EDN1: variants seen among roughly 807,000 people sequenced by gnomAD.
EDN1 encodes the protein endothelin 1.
EDN1 carries 11 observed loss-of-function variants against 21.7 expected under a neutral mutation model. That is an observed-to-expected ratio of 0.51 (90% CI 0.32 to 0.84). EDN1 has a LOEUF of 0.84. Among genes scored for constraint, EDN1 ranks in the 40% least tolerant of loss-of-function variants. The pLI is 0.03. For synonymous variants in EDN1, 85 were observed against 90.6 expected (o/e 0.94, Z 0.35); for missense variants, 244 against 262.3 (o/e 0.93, Z 0.48).
At chr6:12,261,486 C>T in the EDN1 span, among the ~76,000 whole-genome samples, 1 of 152,126 alleles carries the variant, frequency 6.6e-6, no homozygotes, top group African/African-American at 2.4e-5. Context: ...GATGGTTGTG[C>T]TGCTCCCAAG....
chr6:12,258,153 T>G, the EDN1 span, among the ~76,000 whole-genome samples: 5 of 151,982 alleles, frequency 3.3e-5, no homozygotes, highest in Non-Finnish European at 7.4e-5. Flanking sequence ...TCAGACCTTA[T>G]TCTTTTATTT....
At chr6:12,238,131 C>T in the EDN1 span, among the ~76,000 whole-genome samples, 4 of 146,256 alleles carry the variant, frequency 2.7e-5, no homozygotes, top group African/African-American at 7.8e-5. Flanking sequence ...GAGATGGCGC[C>T]ACTGCACTCC....
the EDN1 span, among the ~76,000 whole-genome samples, chr6:12,234,869 C>T: frequency 1.3e-5 from 2 of 152,206 alleles, no homozygotes; most frequent in South Asian, 2.1e-4. Context: ...ATGGGCCAGA[C>T]AGCAAGTGAC....
chr6:12,254,034 A>G, the EDN1 span, among the ~76,000 whole-genome samples: 8 of 151,912 alleles, frequency 5.3e-5, no homozygotes, highest in African/African-American at 1.9e-4. Flanking sequence ...TTTTCATCAA[A>G]TCTACTATCC....
At chr6:12,273,200 A>C in the EDN1 span, among the ~76,000 whole-genome samples, 1 of 152,232 alleles carries the variant, frequency 6.6e-6, no homozygotes, top group African/African-American at 2.4e-5. Context: ...CATCCAATCC[A>C]AGTCCTGATA....
At chr6:12,232,288 A>G in the EDN1 span, among the ~76,000 whole-genome samples, 2 of 150,156 alleles carry the variant, frequency 1.3e-5, no homozygotes, top group Non-Finnish European at 3.0e-5. Context: ...TAACACGATC[A>G]TAGTCTCTAC....
At chr6:12,232,870 A>G in the EDN1 span, among the ~76,000 whole-genome samples, 2 of 152,212 alleles carry the variant, frequency 1.3e-5, no homozygotes, top group African/African-American at 4.8e-5. Flanking sequence ...ATGTTCTTGA[A>G]AAGACGACTG....
chr6:12,231,308 G>A, the EDN1 span, among the ~76,000 whole-genome samples: 1 of 152,122 alleles, frequency 6.6e-6, no homozygotes, highest in African/African-American at 2.4e-5. Context: ...CACCAACACT[G>A]CAATTCAACG....
At chr6:12,261,889 G>A in the EDN1 span, among the ~76,000 whole-genome samples, 1 of 152,204 alleles carries the variant, frequency 6.6e-6, no homozygotes, top group Non-Finnish European at 1.5e-5. Context: ...CAATGGAATG[G>A]AGACTTATAG....
the EDN1 span, among the ~76,000 whole-genome samples, chr6:12,282,346 T>A: frequency 6.6e-6 from 1 of 152,224 alleles, no homozygotes; most frequent in East Asian, 1.9e-4. Context: ...AAATGCTTTA[T>A]CTAGAAAATG....
the EDN1 span, among the ~76,000 whole-genome samples, chr6:12,233,143 C>T: frequency 6.6e-6 from 1 of 152,210 alleles, no homozygotes; most frequent in African/African-American, 2.4e-5. Context: ...CAGTTGCCTT[C>T]ATCCAAAGTT....
chr6:12,266,833 C>A, the EDN1 span, among the ~76,000 whole-genome samples: 2 of 151,972 alleles, frequency 1.3e-5, no homozygotes, highest in African/African-American at 4.8e-5. Context: ...TTCTGAAATG[C>A]GGTCTTTTCT....
chr6:12,249,639 G>T, the EDN1 span, among the ~76,000 whole-genome samples: 1 of 151,744 alleles, frequency 6.6e-6, no homozygotes, highest in African/African-American at 2.4e-5. Context: ...GCAAACAAGT[G>T]CTATAGGATA....
the EDN1 span, among the ~76,000 whole-genome samples, chr6:12,241,222 G>A: frequency 6.8e-6 from 1 of 147,770 alleles, no homozygotes; most frequent in Non-Finnish European, 1.5e-5. Context: ...CTGGAGTACA[G>A]TGGTGTGATC....
At chr6:12,289,540 T>C (rs1444518545), upstream of EDN1, among the ~76,000 whole-genome samples, 1 of 152,212 alleles carries the variant, frequency 6.6e-6, no homozygotes, top group Non-Finnish European at 1.5e-5. Flanking sequence ...TCTCCCGCCA[T>C]GTCTTAAGAT....
At chr6:12,249,588 C>G in the EDN1 span, among the ~76,000 whole-genome samples, 1 of 150,860 alleles carries the variant, frequency 6.6e-6, no homozygotes, top group Non-Finnish European at 1.5e-5. Flanking sequence ...GTGATCTGAG[C>G]CCAGCAACAC....
chr6:12,281,832 C>A, the EDN1 span, among the ~76,000 whole-genome samples: 40 of 152,234 alleles, frequency 2.6e-4, no homozygotes, highest in South Asian at 6.2e-4. Flanking sequence ...GGGATCGAAG[C>A]CCTTGAAACA....
chr6:12,254,362 T>C, the EDN1 span, among the ~76,000 whole-genome samples: 1 of 152,190 alleles, frequency 6.6e-6, no homozygotes, highest in African/African-American at 2.4e-5. Flanking sequence ...TTGTAAACCT[T>C]TCCTCACTCT....
the EDN1 span, among the ~76,000 whole-genome samples, chr6:12,263,394 AC>A: frequency 6.6e-6 from 1 of 152,236 alleles, no homozygotes; most frequent in African/African-American, 2.4e-5. Context: ...AAGTGGGTGT[AC>A]AAATGCAAAT....
Sources: allele counts gnomAD v4.1 joint callset (sites outside exome capture counted in the v4.1 genomes callset), GRCh38; gene constraint gnomAD v4.1.1; transcripts MANE v1.5; gene names NCBI Gene and HGNC (gene_info 2026-07-23, HGNC 2026-07-21).